Variants in AIM2 observed in about 807,000 individuals in gnomAD.
AIM2 encodes absent in melanoma 2, also known as interferon-inducible protein AIM2.
AIM2 carries 30 observed loss-of-function variants against 27.7 expected under a neutral mutation model. That is an observed-to-expected ratio of 1.08 (90% CI 0.81 to 1.47). AIM2 has a LOEUF of 1.47. Ranked by LOEUF, AIM2 falls within the 40% of genes most tolerant of loss-of-function variation. The pLI is 0.00. For missense variants in AIM2, 358 were observed against 411.3 expected (o/e 0.87, Z 1.12); for synonymous variants, 141 against 145.3 (o/e 0.97, Z 0.21).
chr1:159,075,574 C>T (rs61828167), intron 1 of AIM2, among the ~76,000 whole-genome samples: 2,334 of 109,032 alleles, frequency 0.021, 46 homozygotes, highest in South Asian at 0.063. Context: ...CACACACACA[C>T]ATATATATAT....
intron 1 of AIM2, among the ~76,000 whole-genome samples, chr1:159,108,614 T>C (rs1324983995): frequency 6.6e-6 from 1 of 152,090 alleles, no homozygotes; most frequent in Non-Finnish European, 1.5e-5. Context: ...TTGCTGTTTG[T>C]GGCGATATCA....
At chr1:159,144,367 A>G (rs1648166754), upstream of AIM2, among the ~76,000 whole-genome samples, 1 of 152,310 alleles carries the variant, frequency 6.6e-6, no homozygotes, top group Admixed American at 6.5e-5. Flanking sequence ...CAAATAAGAG[A>G]TGTCTCTCTG....
At chr1:159,064,975 G>C (rs1484354047) in intron 4 of AIM2, among the ~76,000 whole-genome samples, 1 of 152,178 alleles carries the variant, frequency 6.6e-6, no homozygotes, top group Non-Finnish European at 1.5e-5. Context: ...TGGATAGCTG[G>C]CCAGATTGAA....
At chr1:159,098,015 C>A (rs1349176730) in intron 1 of AIM2, among the ~76,000 whole-genome samples, 1 of 152,156 alleles carries the variant, frequency 6.6e-6, no homozygotes, top group Non-Finnish European at 1.5e-5. Context: ...AGAGTTGAGT[C>A]AGAATAAGCA....
At chr1:159,109,207 A>T (rs1657515089) in intron 1 of AIM2, among the ~76,000 whole-genome samples, 1 of 152,196 alleles carries the variant, frequency 6.6e-6, no homozygotes, top group Admixed American at 6.5e-5. Flanking sequence ...GTATAAAAAT[A>T]GGCACATAGA....
upstream of AIM2, among the ~76,000 whole-genome samples, chr1:159,143,378 A>G (rs544537807): frequency 1.3e-5 from 2 of 152,310 alleles, no homozygotes; most frequent in African/African-American, 4.8e-5. Context: ...TAGACTTGAA[A>G]CAAGAAGGCA....
downstream of AIM2, among the ~76,000 whole-genome samples, chr1:159,061,969 C>T (rs899821055): frequency 4.6e-5 from 7 of 152,036 alleles, no homozygotes; most frequent in Admixed American, 3.9e-4. Flanking sequence ...TATGAAAAGC[C>T]AATGATCTGT....
At chr1:159,073,567 T>C in intron 1 of AIM2, 48 bp from the exon 2 acceptor site, 3 of 1,510,496 alleles carry the variant, frequency 2.0e-6, no homozygotes, top group Non-Finnish European at 2.7e-6. Context: ...AAAGTGATTC[T>C]ACATTCAAAA....
chr1:159,104,333 T>C (rs1404477896), intron 1 of AIM2, among the ~76,000 whole-genome samples: 2 of 152,198 alleles, frequency 1.3e-5, no homozygotes, highest in Non-Finnish European at 1.5e-5. Flanking sequence ...AAGCCACACA[T>C]AGCTCTCAAA....
intron 1 of AIM2, among the ~76,000 whole-genome samples, chr1:159,110,782 AC>A (rs755993967): frequency 6.6e-6 from 1 of 152,140 alleles, no homozygotes; most frequent in East Asian, 1.9e-4. Flanking sequence ...CTGAGATCAA[AC>A]CCTTCACTGC....
intron 1 of AIM2, chr1:159,122,465 C>T (rs1358266366): frequency 6.6e-6 from 1 of 152,228 alleles, no homozygotes; most frequent in African/African-American, 2.4e-5. Context: ...ATGCCATTGG[C>T]TTCCATTCCC....
chr1:159,144,313 GTATATCAACAAAAGTAC>G (rs1183956631), upstream of AIM2, among the ~76,000 whole-genome samples: 1 of 152,054 alleles, frequency 6.6e-6, no homozygotes, highest in African/African-American at 2.4e-5. Context: ...TACTTATAAT[GTATATCAACAAAAGTAC>G]TCTGGACTTT....
rs759700568 is a variant in AIM2 at position 159,073,221 on chromosome 1, T to C, written c.262+17A>G. ...GGCAGAAAAAGGGACGGGGCAGGTG[T>C]GGAACTCCCACATTACCTTTCTCCT... On this transcript the variant is annotated intron_variant, in intron 2 of 5. Coordinates refer to ENST00000368130, the MANE Select transcript of AIM2 (RefSeq NM_004833.3). 6.2e-7 allele frequency: 1 copy of C among 1,613,474 alleles called. No individual in the cohort carries two copies. Among genetic ancestry groups the C allele is most frequent in the Non-Finnish European group, 8.5e-7 (1 of 1,179,430 alleles).
At chr1:159,072,666 G>A (rs558911261) in intron 2 of AIM2, among the ~76,000 whole-genome samples, 1 of 152,290 alleles carries the variant, frequency 6.6e-6, no homozygotes, top group African/African-American at 2.4e-5. Flanking sequence ...CTGTACTGGA[G>A]ATAGAGAGGA....
At chr1:159,130,543 G>A (rs187977415) in intron 1 of AIM2, among the ~76,000 whole-genome samples, 8 of 152,102 alleles carry the variant, frequency 5.3e-5, no homozygotes, top group East Asian at 1.9e-4. Flanking sequence ...CCAGAAAGCC[G>A]GGAATCATCC....
chr1:159,072,375 C>T (rs904675991), intron 2 of AIM2, among the ~76,000 whole-genome samples: 1 of 152,140 alleles, frequency 6.6e-6, no homozygotes, highest in African/African-American at 2.4e-5. Context: ...TGTTGTACAC[C>T]CACAAATGCT....
At position 159,085,544 on chromosome 1, in the gene AIM2, T is replaced by C. The variant is rs930958964; in HGVS notation, c.-15-19215A>G. On this transcript the variant is annotated intron_variant, in intron 1 of 2. Transcript: ENST00000368129. ...TTGAGGTGCCCAAGAGATATGTAAA[T>C]GGAGATGTTTAATTGAATATATAAG... 1.2e-4 allele frequency among the ~76,000 whole-genome samples: 18 copies of C among 152,136 alleles called. 1 individual carries two copies. Among genetic ancestry groups the C allele is most frequent in the Non-Finnish European group, 1.6e-4 (11 of 68,000 alleles).
Position 159,066,529 on chromosome 1 carries a change from C to T in AIM2, c.397-200G>A, listed in dbSNP as rs1237173052. Among the ~76,000 whole-genome samples, 3 of 152,182 alleles carry T rather than the reference C, an allele frequency of 2.0e-5. No homozygotes were observed. In the East Asian group the frequency reaches 5.8e-4, roughly 29 times the overall value. ...AGAGAGTGCAGAAGGAAGATTTCGA[C>T]TCCTGTATTCAGATAAGACGGTGTA... On this transcript the variant is annotated intron_variant, in intron 3 of 5. Transcript: ENST00000368130.
chr1:159,057,766 A>G (rs1206130275), downstream of AIM2, among the ~76,000 whole-genome samples: 3 of 152,182 alleles, frequency 2.0e-5, no homozygotes, highest in Non-Finnish European at 4.4e-5. Context: ...TCTAGTCCTC[A>G]TTTTTGGAAA....
Sources: allele counts gnomAD v4.1 joint callset (sites outside exome capture counted in the v4.1 genomes callset), GRCh38; gene constraint gnomAD v4.1.1; transcripts MANE v1.5; gene names NCBI Gene and HGNC (gene_info 2026-07-23, HGNC 2026-07-21).